Variants in CDKAL1 observed in about 807,000 individuals in gnomAD.
The protein encoded by CDKAL1 is CDKAL1 threonylcarbamoyladenosine tRNA methylthiotransferase, also known as threonylcarbamoyladenosine tRNA methylthiotransferase.
In CDKAL1, 32 loss-of-function variants were observed where a neutral mutation model predicts 68.2. The ratio of observed to expected loss-of-function variants is 0.47; its 90% CI spans 0.35 to 0.63. CDKAL1 has a LOEUF of 0.63. Among genes scored for constraint, CDKAL1 ranks in the 30% least tolerant of loss-of-function variants. The probability of loss-of-function intolerance (pLI) is 0.00; values close to 1 mark genes in which losing one functional copy is unlikely to be tolerated. For missense variants in CDKAL1, 606 were observed against 696.7 expected (o/e 0.87, Z 1.47); for synonymous variants, 234 against 244.3 (o/e 0.96, Z 0.39).
chr6:20,802,868 T>A (rs4710950), intron 8 of CDKAL1, among the ~76,000 whole-genome samples: 62,028 of 152,056 alleles, frequency 0.41, 12,872 homozygotes, highest in Non-Finnish European at 0.44. Context: ...AAAACTTTTT[T>A]AATTGGATTG....
chr6:20,749,569 A>G (rs1044846052), intron 6 of CDKAL1, among the ~76,000 whole-genome samples: 2 of 149,130 alleles, frequency 1.3e-5, no homozygotes, highest in Admixed American at 6.7e-5. Context: ...TTTTTTTGAG[A>G]TGGAGTCTCA....
chr6:20,739,163 CATTTAAA>C (rs1221591969), intron 5 of CDKAL1, among the ~76,000 whole-genome samples: 1 of 152,090 alleles, frequency 6.6e-6, no homozygotes, highest in African/African-American at 2.4e-5. Context: ...TTTTCATTAA[CATTTAAA>C]ATAAGTAACC....
At chr6:20,802,558 G>A (rs1776413022) in intron 8 of CDKAL1, among the ~76,000 whole-genome samples, 2 of 151,816 alleles carry the variant, frequency 1.3e-5, no homozygotes, top group Admixed American at 1.3e-4. Flanking sequence ...ACATATACAT[G>A]CATTCTTATA....
At chr6:20,743,085 A>C (rs181240384) in intron 6 of CDKAL1, among the ~76,000 whole-genome samples, 25 of 152,306 alleles carry the variant, frequency 1.6e-4, no homozygotes, top group Non-Finnish European at 2.6e-4. Flanking sequence ...TATTTTATAC[A>C]AAGAGAAAAC....
At chr6:21,216,301 GAGA>G in intron 15 of CDKAL1, among the ~76,000 whole-genome samples, 1 of 152,278 alleles carries the variant, frequency 6.6e-6, no homozygotes, top group Admixed American at 6.5e-5. Context: ...TGTAAAAAAT[GAGA>G]AGGTGTATAT....
At chr6:20,661,596 T>A (rs191669359) in intron 5 of CDKAL1, among the ~76,000 whole-genome samples, 1 of 145,446 alleles carries the variant, frequency 6.9e-6, no homozygotes, top group Non-Finnish European at 1.5e-5. Flanking sequence ...CTGGTTTACA[T>A]AAAAAAAAAC....
At chr6:20,707,112 G>A (rs1771635060) in intron 5 of CDKAL1, among the ~76,000 whole-genome samples, 1 of 152,138 alleles carries the variant, frequency 6.6e-6, no homozygotes, top group African/African-American at 2.4e-5. Flanking sequence ...TGGATATGAG[G>A]AGTTACATTA....
chr6:20,551,111 C>T (rs9465804), intron 4 of CDKAL1, among the ~76,000 whole-genome samples: 6,002 of 151,890 alleles, frequency 0.04, 409 homozygotes, highest in African/African-American at 0.14. Context: ...GTGATCCACT[C>T]GCCTTGGCCT....
intron 13 of CDKAL1, among the ~76,000 whole-genome samples, chr6:21,183,717 C>T (rs1011198332): frequency 6.6e-6 from 1 of 152,110 alleles, no homozygotes; most frequent in Non-Finnish European, 1.5e-5. Context: ...GGTTATGTTA[C>T]CAACAATAAT....
chr6:20,776,292 T>A (rs1775167970), intron 7 of CDKAL1, among the ~76,000 whole-genome samples: 1 of 152,248 alleles, frequency 6.6e-6, no homozygotes, highest in Non-Finnish European at 1.5e-5. Context: ...CTTGCTCACC[T>A]CTTCATTAAC....
intron 4 of CDKAL1, among the ~76,000 whole-genome samples, chr6:20,635,354 T>G (rs1261670643): frequency 6.6e-6 from 1 of 152,140 alleles, no homozygotes; most frequent in African/African-American, 2.4e-5. Flanking sequence ...TTCCTTCCTT[T>G]GTAGTCCCTG....
intron 5 of CDKAL1, among the ~76,000 whole-genome samples, chr6:20,688,352 A>G (rs1257168700): frequency 6.6e-6 from 1 of 151,524 alleles, no homozygotes; most frequent in East Asian, 1.9e-4. Context: ...CGCTTCTAGT[A>G]TTCTATCACA....
chr6:20,918,648 G>T (rs1000838978), intron 9 of CDKAL1, among the ~76,000 whole-genome samples: 1 of 152,148 alleles, frequency 6.6e-6, no homozygotes, highest in African/African-American at 2.4e-5. Flanking sequence ...CATTTTTAAG[G>T]CATATAAATA....
chr6:20,756,501 T>C (rs1774176609), intron 6 of CDKAL1, among the ~76,000 whole-genome samples: 1 of 152,202 alleles, frequency 6.6e-6, no homozygotes, highest in Non-Finnish European at 1.5e-5. Context: ...TTTGTTCTGC[T>C]GGCTTCTTCA....
intron 13 of CDKAL1, among the ~76,000 whole-genome samples, chr6:21,140,957 C>G (rs955444964): frequency 1.3e-5 from 2 of 152,154 alleles, no homozygotes; most frequent in Non-Finnish European, 2.9e-5. Flanking sequence ...AGCGGAAACC[C>G]CTGATAAACC....
intron 13 of CDKAL1, among the ~76,000 whole-genome samples, chr6:21,158,247 G>A (rs912218281): frequency 1.3e-5 from 2 of 152,142 alleles, no homozygotes; most frequent in African/African-American, 4.8e-5. Context: ...CCTTTATTGA[G>A]GACAGTAAAT....
intron 9 of CDKAL1, among the ~76,000 whole-genome samples, chr6:20,899,250 A>C (rs1761850548): frequency 6.6e-6 from 1 of 151,772 alleles, no homozygotes; most frequent in African/African-American, 2.4e-5. Context: ...TTTTTAGTAG[A>C]GACGGGGTTT....
intron 9 of CDKAL1, among the ~76,000 whole-genome samples, chr6:20,870,469 A>G (rs1760151922): frequency 6.6e-6 from 1 of 152,206 alleles, no homozygotes; most frequent in Non-Finnish European, 1.5e-5. Context: ...ACTCCTTTTA[A>G]GTTACATCTT....
intron 4 of CDKAL1, among the ~76,000 whole-genome samples, chr6:20,577,833 A>G (rs1336789122): frequency 6.6e-6 from 1 of 152,210 alleles, no homozygotes; most frequent in Non-Finnish European, 1.5e-5. Context: ...TTGGGTATTC[A>G]TAGCCTTTCT....
Sources: allele counts gnomAD v4.1 joint callset (sites outside exome capture counted in the v4.1 genomes callset), GRCh38; gene constraint gnomAD v4.1.1; transcripts MANE v1.5; gene names NCBI Gene and HGNC (gene_info 2026-07-23, HGNC 2026-07-21).